RAB23: variants seen among roughly 807,000 people sequenced by gnomAD.
The protein encoded by RAB23 is RAB23, member RAS oncogene family.
A neutral mutation model predicts 30.0 loss-of-function variants in RAB23; 15 were observed. The observed-to-expected ratio is 0.50, with a 90% CI of 0.33 to 0.77. RAB23 has a LOEUF of 0.77. RAB23 is among the 30% of genes least tolerant of loss of function. RAB23 has a pLI of 0.02. For synonymous variants in RAB23, 93 were observed against 94.0 expected (o/e 0.99, Z 0.06); for missense variants, 243 against 275.4 (o/e 0.88, Z 0.83).
chr6:57,199,254 C>CG lies in RAB23; in HGVS notation c.242-2649dup, dbSNP rs56828755. Among the ~76,000 whole-genome samples the CG allele has an allele frequency of 7.3e-3, 1,103 of 151,978 alleles. 8 individuals carry two copies. The highest frequency in any genetic ancestry group is 0.023 in the African/African-American group (968 of 41,434). On this transcript the variant is annotated intron_variant, in intron 3 of 6. Transcript: ENST00000468148. ...AGGGGGAAGTGATGCCTCTGGGTGG[C>CG]GGGGGGGTGGAATGAACACCTCAGC...
At chr6:57,220,026 T>C (rs577896902) in intron 1 of RAB23, among the ~76,000 whole-genome samples, 1 of 152,162 alleles carries the variant, frequency 6.6e-6, no homozygotes, top group Non-Finnish European at 1.5e-5. Flanking sequence ...ATCTAACATA[T>C]AATTTGTATC....
At chr6:57,203,636 C>T (rs1363681045) in intron 3 of RAB23, among the ~76,000 whole-genome samples, 1 of 152,000 alleles carries the variant, frequency 6.6e-6, no homozygotes, top group African/African-American at 2.4e-5. Flanking sequence ...AACTTTTACT[C>T]AAGAATAAAA....
chr6:57,197,134 T>C (rs572155697), intron 3 of RAB23, among the ~76,000 whole-genome samples: 1 of 152,316 alleles, frequency 6.6e-6, no homozygotes, highest in African/African-American at 2.4e-5. Flanking sequence ...GTTCATTCTA[T>C]TCACTTTTTA....
chr6:57,210,662 T>C (rs1273703427), intron 1 of RAB23, among the ~76,000 whole-genome samples: 1 of 152,234 alleles, frequency 6.6e-6, no homozygotes, highest in Non-Finnish European at 1.5e-5. Context: ...ATGACATTCA[T>C]ATATCAATAA....
At chr6:57,206,309 C>A (rs115184205) in intron 3 of RAB23, among the ~76,000 whole-genome samples, 1 of 152,002 alleles carries the variant, frequency 6.6e-6, no homozygotes, top group Non-Finnish European at 1.5e-5. Context: ...GAGAAGCTCT[C>A]GATGGTTTCA....
intron 6 of RAB23, among the ~76,000 whole-genome samples, chr6:57,192,421 A>G (rs9475788): frequency 0.12 from 18,128 of 152,294 alleles, 1,324 homozygotes; most frequent in African/African-American, 0.19. Flanking sequence ...AAGACAAGAC[A>G]GTAAACAAGT....
intron 1 of RAB23, among the ~76,000 whole-genome samples, chr6:57,214,020 C>A (rs553060047): frequency 5.3e-5 from 8 of 152,176 alleles, no homozygotes; most frequent in African/African-American, 1.7e-4. Flanking sequence ...AGGCACCCCC[C>A]ACCCCTGCCC....
chr6:57,208,380 C>G (rs766355635), intron 2 of RAB23, among the ~76,000 whole-genome samples: 1 of 152,104 alleles, frequency 6.6e-6, no homozygotes, highest in African/African-American at 2.4e-5. Flanking sequence ...GTCACGGTGG[C>G]TCACGCCTGT....
At chr6:57,212,694 C>T (rs569968818) in intron 1 of RAB23, among the ~76,000 whole-genome samples, 1 of 146,008 alleles carries the variant, frequency 6.8e-6, no homozygotes, top group South Asian at 2.2e-4. Flanking sequence ...CCAGCCTGGG[C>T]ACCATGTGAG....
intron 1 of RAB23, among the ~76,000 whole-genome samples, chr6:57,219,145 G>A (rs1315293765): frequency 6.6e-6 from 1 of 152,116 alleles, no homozygotes; most frequent in Non-Finnish European, 1.5e-5. Context: ...CAAAGTCAGA[G>A]GACATATGTA....
At chr6:57,190,635 G>C in intron 6 of RAB23, 35 bp from the exon 7 acceptor site, 1 of 1,610,880 alleles carries the variant, frequency 6.2e-7, no homozygotes, top group Non-Finnish European at 8.5e-7. Context: ...GATTGCCACT[G>C]ACACGCCTGA....
chr6:57,199,095 G>A (rs1765136751), intron 3 of RAB23, among the ~76,000 whole-genome samples: 1 of 152,252 alleles, frequency 6.6e-6, no homozygotes, highest in South Asian at 2.1e-4. Context: ...TGCAGCAGAG[G>A]CCTGTGGCTG....
At chr6:57,207,140 T>C (rs1247256506) in intron 3 of RAB23, among the ~76,000 whole-genome samples, 2 of 152,254 alleles carry the variant, frequency 1.3e-5, no homozygotes, top group African/African-American at 2.4e-5. Flanking sequence ...TTTTAAGAAA[T>C]TTTAGCCCAC....
chr6:57,188,144 G>A lies in RAB23; in HGVS notation c.*2317C>T, dbSNP rs1764681815. 1 of 152,018 alleles carries A rather than the reference G, an allele frequency of 6.6e-6. No individual in the cohort carries two copies. The highest frequency in any genetic ancestry group is 2.4e-5 in the African/African-American group (1 of 41,384). 9.4% of individuals were successfully genotyped at this position (152,018 alleles called of 1,614,324 possible). ...GGAAAAGTTTTTCTTTAGTATACAT[G>A]GTTTCATAAAATTAAAGTTATTTAA... On this transcript the variant is annotated 3_prime_UTR_variant, in exon 7 of 7. Coordinates refer to ENST00000468148, the MANE Select transcript of RAB23 (RefSeq NM_016277.5).
At chr6:57,199,017 T>C (rs1765134783) in intron 3 of RAB23, among the ~76,000 whole-genome samples, 1 of 152,236 alleles carries the variant, frequency 6.6e-6, no homozygotes. Context: ...AATGTGGGAA[T>C]GTGCCAAAGT....
Position 57,189,541 on chromosome 6 carries a change from G to C in RAB23, c.*920C>G, listed in dbSNP as rs530900959. The C allele has an allele frequency of 1.3e-4, 20 of 152,400 alleles. No homozygotes were observed. In the East Asian group the frequency reaches 3.7e-3, roughly 28 times the overall value. 9.4% of individuals were successfully genotyped at this position (152,400 alleles called of 1,614,324 possible). On this transcript the variant is annotated 3_prime_UTR_variant, in exon 7 of 7. Transcript: ENST00000468148. ...CTTAAGGGGCTTTGGCTGACCTTATGAGAGCAGGAGCTCACCATGCTTATG... is the reference window on the plus strand; with the variant it reads ...CTTAAGGGGCTTTGGCTGACCTTATCAGAGCAGGAGCTCACCATGCTTATG...
chr6:57,196,676 AAAC>A (rs1384254507), intron 3 of RAB23, 70 bp from the exon 4 acceptor site: 14 of 1,554,510 alleles, frequency 9.0e-6, no homozygotes, highest in Non-Finnish European at 1.2e-5. Flanking sequence ...TACATTAAGA[AAAC>A]AATCTCATGA....
rs183728323 is a variant in RAB23 at position 57,187,157 on chromosome 6, A to C, written c.*3304T>G. 1.1e-3 allele frequency: 168 copies of C among 152,314 alleles called. No homozygotes were observed. Among genetic ancestry groups the C allele is most frequent in the African/African-American group, 3.9e-3 (162 of 41,574 alleles). The allele number at this position is 152,314 out of a possible 1,614,324, so 9.4% of individuals were successfully genotyped here. On this transcript the variant is annotated 3_prime_UTR_variant, in exon 7 of 7. Coordinates refer to ENST00000468148, the MANE Select transcript of RAB23 (RefSeq NM_016277.5). ...ACAAAAGCATTATTTATTAGTAATA[A>C]AAATATAGAAGGAATTCAGTTTTCC...
chr6:57,216,026 T>A (rs1178464929), intron 1 of RAB23, among the ~76,000 whole-genome samples: 1 of 152,212 alleles, frequency 6.6e-6, no homozygotes, highest in Non-Finnish European at 1.5e-5. Context: ...ATAACAGTGG[T>A]CCTTTAAAAT....
Sources: gnomAD v4.1 joint callset for allele counts (sites outside exome capture counted in the v4.1 genomes callset) on GRCh38, gnomAD v4.1.1 for gene constraint, MANE v1.5 for transcripts, NCBI Gene and HGNC (gene_info 2026-07-23, HGNC 2026-07-21) for gene names.